Variants in ZEB1 observed in about 807,000 individuals in gnomAD.
ZEB1 encodes zinc finger E-box binding homeobox 1.
In ZEB1, 21 loss-of-function variants were observed where a neutral mutation model predicts 84.9. The ratio of observed to expected loss-of-function variants is 0.25; its 90% CI spans 0.18 to 0.36. The LOEUF (loss-of-function observed/expected upper bound fraction) is 0.36, where lower values mean the gene tolerates loss of function less well. Ranked by LOEUF, ZEB1 falls within the 10% of genes least tolerant of loss-of-function variation. The pLI is 1.00. For synonymous variants in ZEB1, 420 were observed against 471.1 expected (o/e 0.89, Z 1.41); for missense variants, 1,104 against 1,330.2 (o/e 0.83, Z 2.65).
chr10:31,490,837 G>A (rs1284733187), intron 2 of ZEB1, among the ~76,000 whole-genome samples: 1 of 151,722 alleles, frequency 6.6e-6, no homozygotes, highest in Non-Finnish European at 1.5e-5. Context: ...ATCCTATCGA[G>A]AATTTTGATA....
chr10:31,474,061 A>G (rs909805831), intron 2 of ZEB1, among the ~76,000 whole-genome samples: 1 of 152,234 alleles, frequency 6.6e-6, no homozygotes, highest in Admixed American at 6.5e-5. Context: ...AAATCAATTC[A>G]AGATGGATTA....
chr10:31,457,708 T>C (rs2061395923), intron 1 of ZEB1, among the ~76,000 whole-genome samples: 1 of 152,128 alleles, frequency 6.6e-6, no homozygotes, highest in Non-Finnish European at 1.5e-5. Flanking sequence ...AAGAGTGCTT[T>C]GAGCTATGGT....
intron 1 of ZEB1, among the ~76,000 whole-genome samples, chr10:31,367,978 C>A (rs1446611524): frequency 6.6e-6 from 1 of 151,412 alleles, no homozygotes; most frequent in Admixed American, 6.6e-5. Context: ...TACACACACA[C>A]ATAGACATAC....
At chr10:31,517,240 A>G (rs747928669) in intron 6 of ZEB1, among the ~76,000 whole-genome samples, 13 of 152,002 alleles carry the variant, frequency 8.6e-5, no homozygotes, top group Non-Finnish European at 1.6e-4. Context: ...AAAATTACCT[A>G]TATTGTTGCT....
chr10:31,331,073 C>CTTTT (rs2036635400), intron 1 of ZEB1, among the ~76,000 whole-genome samples: 1 of 95,304 alleles, frequency 1.0e-5, no homozygotes, highest in African/African-American at 4.8e-5. Context: ...TTTCTTTTTT[C>CTTTT]TTTCTTTCTT....
intron 1 of ZEB1, among the ~76,000 whole-genome samples, chr10:31,393,099 A>G (rs1231609122): frequency 6.6e-6 from 1 of 152,224 alleles, no homozygotes; most frequent in East Asian, 1.9e-4. Context: ...TGGTCTCCCA[A>G]AGAGCTGGGA....
intron 3 of ZEB1, 135 bp downstream of exon 3, chr10:31,495,973 T>G (rs890809194): frequency 2.2e-6 from 2 of 908,956 alleles, no homozygotes; most frequent in Non-Finnish European, 3.6e-6. Flanking sequence ...GTTTAAGTAC[T>G]TAGGCATATG....
chr10:31,325,464 T>C (rs2035259165), intron 1 of ZEB1, among the ~76,000 whole-genome samples: 1 of 152,054 alleles, frequency 6.6e-6, no homozygotes, highest in Non-Finnish European at 1.5e-5. Flanking sequence ...CATATGCACA[T>C]TTCTCCTCCT....
chr10:31,429,332 T>C (rs2057380724), intron 1 of ZEB1, among the ~76,000 whole-genome samples: 1 of 152,188 alleles, frequency 6.6e-6, no homozygotes, highest in African/African-American at 2.4e-5. Context: ...TTAGTTTGGC[T>C]AACTATGAAA....
intron 1 of ZEB1, among the ~76,000 whole-genome samples, chr10:31,410,512 G>A (rs568175615): frequency 1.1e-3 from 174 of 152,264 alleles, no homozygotes; most frequent in African/African-American, 4.1e-3. Context: ...GATGATGCTG[G>A]CCTCATAAAA....
Position 31,527,170 on chromosome 10 carries a change from A to C in ZEB1, c.3284A>C (p.Lys1095Thr). The C allele has an allele frequency of 6.2e-7, 1 of 1,611,350 alleles. No individual in the cohort carries two copies. The highest frequency in any genetic ancestry group is 8.5e-7 in the Non-Finnish European group (1 of 1,178,564). Residue 1095 changes from lysine to threonine, a missense_variant, in exon 9 of 9, where the codon AAG (lysine) becomes ACG (threonine). Physicochemically the swap from Lys to Thr is moderately conservative, Grantham distance 78. Transcript: ENST00000424869. ...GEEAKTEGLMKDDRAESQASS... is the reference protein window; with the variant it reads ...GEEAKTEGLMTDDRAESQASS... ...GAAGCAAAAACTGAAGGTCTGATGA[A>C]GGATGACAGGGCTGAAAGTCAAGCA...
At chr10:31,462,743 A>G (rs894948521) in intron 2 of ZEB1, among the ~76,000 whole-genome samples, 3 of 152,212 alleles carry the variant, frequency 2.0e-5, no homozygotes, top group African/African-American at 7.2e-5. Flanking sequence ...CTATGAGAAG[A>G]ACATCATTAA....
chr10:31,393,264 C>T (rs540636414), intron 1 of ZEB1, among the ~76,000 whole-genome samples: 187 of 151,958 alleles, frequency 1.2e-3, no homozygotes, highest in African/African-American at 4.3e-3. Flanking sequence ...GTTTTTATTC[C>T]TTCGGACATT....
chr10:31,332,535 A>G (rs930069128), intron 1 of ZEB1, among the ~76,000 whole-genome samples: 12 of 152,182 alleles, frequency 7.9e-5, no homozygotes, highest in African/African-American at 2.9e-4. Context: ...GTACTTTGAT[A>G]TCAGTTCTGT....
At chr10:31,368,345 T>C (rs926534936) in intron 1 of ZEB1, among the ~76,000 whole-genome samples, 2 of 151,940 alleles carry the variant, frequency 1.3e-5, no homozygotes, top group African/African-American at 4.8e-5. Flanking sequence ...TTTGTAGAGA[T>C]AGAGTTTCAT....
chr10:31,446,365 T>G (rs1337611554), intron 1 of ZEB1, among the ~76,000 whole-genome samples: 2 of 152,082 alleles, frequency 1.3e-5, no homozygotes, highest in African/African-American at 4.8e-5. Context: ...AAAAACCAGC[T>G]CCTGGATTCA....
chr10:31,388,527 A>G (rs545431348), intron 1 of ZEB1, among the ~76,000 whole-genome samples: 7 of 152,236 alleles, frequency 4.6e-5, no homozygotes, highest in Non-Finnish European at 8.8e-5. Context: ...GAAAAAATAC[A>G]AATTGGACCT....
rs1565213007 is a variant in ZEB1 at position 31,521,560 on chromosome 10, A to G, written c.2228A>G (p.Gln743Arg). ...VEPLDLSLPK[Q>R]QGELLERSTI... ...CCTCTTGATCTTTCACTACCAAAGC[A>G]ACAGGGAGAATTATTAGAAAGGTCA... The change falls in exon 7 of 9, where the codon CAA (glutamine) becomes CGA (arginine). Residue 743 changes from glutamine to arginine, a missense_variant. By Grantham distance (43) the Gln-to-Arg change is conservative. Around this residue, in one of 7 missense-constraint regions of ZEB1, gnomAD observed 531 missense variants for 575.2 expected, o/e 0.92. Transcript: ENST00000424869. The G allele has an allele frequency of 6.2e-7, 1 of 1,614,138 alleles. No individual in the cohort carries two copies. Among genetic ancestry groups the G allele is most frequent in the East Asian group, 2.2e-5 (1 of 44,866 alleles).
chr10:31,403,040 T>C (rs1349508141), intron 1 of ZEB1, among the ~76,000 whole-genome samples: 2 of 152,104 alleles, frequency 1.3e-5, no homozygotes, highest in South Asian at 2.1e-4. Context: ...TATATGTATA[T>C]AGTAAATATA....
Sources: allele counts gnomAD v4.1 joint callset (sites outside exome capture counted in the v4.1 genomes callset), GRCh38; gene constraint gnomAD v4.1.1; regional missense constraint gnomAD v4.1.1; transcripts MANE v1.5; gene names NCBI Gene and HGNC (gene_info 2026-07-23, HGNC 2026-07-21).